The following RBFOX1 variants were observed in gnomAD, a reference collection of about 807,000 sequenced individuals.
The protein encoded by RBFOX1 is RNA binding fox-1 homolog 1.
A neutral mutation model predicts 57.7 loss-of-function variants in RBFOX1; 8 were observed. The ratio of observed to expected loss-of-function variants is 0.14; its 90% confidence interval spans 0.08 to 0.25. The LOEUF is 0.25. RBFOX1 is among the 10% of genes least tolerant of loss of function. The probability of loss-of-function intolerance (pLI) is 1.00; values close to 1 mark genes in which losing one functional copy is unlikely to be tolerated. For missense variants in RBFOX1, 611 were observed against 548.5 expected (o/e 1.11, Z -1.14); for synonymous variants, 326 against 222.4 (o/e 1.47, Z -4.15).
chr16:5,542,244 A>ATTTTT (rs5815254), intron 2 of RBFOX1, among the ~76,000 whole-genome samples: 1 of 122,566 alleles, frequency 8.2e-6, no homozygotes, highest in African/African-American at 3.1e-5. Flanking sequence ...ACAGGTATTG[A>ATTTTT]TTTTTTTTTT....
At chr16:5,394,387 C>T (rs1256977687) in intron 1 of RBFOX1, among the ~76,000 whole-genome samples, 1 of 152,100 alleles carries the variant, frequency 6.6e-6, no homozygotes, top group Non-Finnish European at 1.5e-5. Flanking sequence ...TATTCCCTGC[C>T]TTTTTTTGAT....
At chr16:5,468,510 A>C (rs1941231408) in intron 2 of RBFOX1, among the ~76,000 whole-genome samples, 1 of 152,196 alleles carries the variant, frequency 6.6e-6, no homozygotes, top group Admixed American at 6.5e-5. Context: ...TCCAAAAGTT[A>C]AACATAGAAT....
intron 2 of RBFOX1, among the ~76,000 whole-genome samples, chr16:6,394,807 C>T (rs1328747449): frequency 3.3e-5 from 5 of 152,112 alleles, no homozygotes; most frequent in African/African-American, 1.2e-4. Context: ...GCCTTAATGA[C>T]CCCTAAGTCC....
At chr16:5,781,037 C>G (rs1035443701) in intron 3 of RBFOX1, among the ~76,000 whole-genome samples, 6 of 152,218 alleles carry the variant, frequency 3.9e-5, no homozygotes, top group Non-Finnish European at 8.8e-5. Flanking sequence ...GGGTATTTCT[C>G]TCTCATTCTG....
chr16:5,491,032 T>G (rs1241613041), intron 2 of RBFOX1, among the ~76,000 whole-genome samples: 1 of 152,172 alleles, frequency 6.6e-6, no homozygotes, highest in East Asian at 1.9e-4. Context: ...ATCTCCCCGA[T>G]TTGATCTGCA....
intron 3 of RBFOX1, among the ~76,000 whole-genome samples, chr16:5,833,355 C>T (rs984730335): frequency 6.6e-6 from 1 of 151,904 alleles, no homozygotes; most frequent in Non-Finnish European, 1.5e-5. Context: ...ATTAGCCGGG[C>T]ATGGTGGCAG....
rs191622870 is a variant in RBFOX1, at chr16:6,135,654, C to T, written c.-127+115662C>T. ...TAAATCAGAATGTCTGAAAAAAAAC[C>T]ATGAACACTAATAGTTAATGGAACA... is the stretch of plus-strand genomic sequence containing the variant. On this transcript the variant is annotated intron_variant, in intron 1 of 15. Transcript: ENST00000550418. Among the ~76,000 whole-genome samples, 17 of 151,944 alleles carry T rather than the reference C, an allele frequency of 1.1e-4. No individual in the cohort carries two copies. In the East Asian group the frequency reaches 3.1e-3, roughly 28 times the overall value.
chr16:6,818,243 C>G (rs1435355121), intron 3 of RBFOX1, among the ~76,000 whole-genome samples: 1 of 151,978 alleles, frequency 6.6e-6, no homozygotes, highest in Non-Finnish European at 1.5e-5. Context: ...ATGATACAAG[C>G]AGAGGCTTTA....
intron 1 of RBFOX1, among the ~76,000 whole-genome samples, chr16:5,464,076 A>C (rs1190629867): frequency 6.6e-6 from 1 of 152,206 alleles, no homozygotes; most frequent in East Asian, 1.9e-4. Flanking sequence ...CCAGGGCTTC[A>C]GGCTCAATGG....
intron 1 of RBFOX1, among the ~76,000 whole-genome samples, chr16:6,262,807 G>C (rs572571193): frequency 7.9e-4 from 120 of 152,246 alleles, no homozygotes; most frequent in Non-Finnish European, 1.5e-3. Context: ...ATCCAAGGAA[G>C]CGCCCATTCT....
chr16:5,652,853 C>G (rs1020722456), intron 3 of RBFOX1, among the ~76,000 whole-genome samples: 18 of 152,236 alleles, frequency 1.2e-4, no homozygotes, highest in Non-Finnish European at 2.2e-4. Context: ...CACCAGCTAA[C>G]TGCCAGGACT....
intron 2 of RBFOX1, among the ~76,000 whole-genome samples, chr16:5,484,284 G>T (rs141355359): frequency 1.3e-5 from 2 of 152,330 alleles, no homozygotes; most frequent in South Asian, 4.1e-4. Flanking sequence ...GAGCCCTTCA[G>T]TTCTTTCTGG....
intron 12 of RBFOX1, among the ~76,000 whole-genome samples, chr16:7,657,566 A>T (rs890332192): frequency 6.6e-6 from 1 of 152,236 alleles, no homozygotes; most frequent in Non-Finnish European, 1.5e-5. Context: ...GGGCCTCCCA[A>T]AGTGCTGGGA....
chr16:5,771,018 C>G lies in RBFOX1; in HGVS notation c.319-96285C>G, dbSNP rs117770782. ...GTGGTCTGCAAACGAGCAGTGTTGG[C>G]ATCATGGAGTCTCCTGGAGGAGACG... is the stretch of plus-strand genomic sequence containing the variant. On this transcript the variant is annotated intron_variant, in intron 3 of 19. Coordinates refer to the RBFOX1 transcript ENST00000641259. Among the ~76,000 whole-genome samples, 37 of 152,320 alleles carry G rather than the reference C, an allele frequency of 2.4e-4. No individual in the cohort carries two copies. The East Asian group carries it at 6.8e-3, about 28-fold the overall frequency.
intron 4 of RBFOX1, among the ~76,000 whole-genome samples, chr16:7,239,064 C>T (rs753760700): frequency 2.6e-5 from 4 of 152,154 alleles, no homozygotes; most frequent in Non-Finnish European, 5.9e-5. Context: ...TAGGTTGATT[C>T]CACATCCTTG....
chr16:7,134,157 G>A (rs1301815535), intron 4 of RBFOX1, among the ~76,000 whole-genome samples: 1 of 152,044 alleles, frequency 6.6e-6, no homozygotes, highest in Admixed American at 6.6e-5. Context: ...TCAGCAGAGA[G>A]GGGTGTAATG....
intron 3 of RBFOX1, among the ~76,000 whole-genome samples, chr16:6,873,498 G>T (rs1001964120): frequency 2.0e-5 from 3 of 152,104 alleles, no homozygotes; most frequent in Non-Finnish European, 2.9e-5. Context: ...ACTTCCTCAA[G>T]GCTATGACAG....
At chr16:6,685,165 T>A (rs1603410258) in intron 3 of RBFOX1, among the ~76,000 whole-genome samples, 1 of 152,314 alleles carries the variant, frequency 6.6e-6, no homozygotes, top group East Asian at 1.9e-4. Context: ...TTCCTTTTCT[T>A]TATTCCTGCT....
At chr16:6,789,293 A>G (rs1050144452) in intron 3 of RBFOX1, among the ~76,000 whole-genome samples, 27 of 152,196 alleles carry the variant, frequency 1.8e-4, no homozygotes, top group African/African-American at 6.3e-4. Context: ...ACAGCAGTTG[A>G]TATTTATAGC....
Sources: gnomAD v4.1 joint callset for allele counts (sites outside exome capture counted in the v4.1 genomes callset) on GRCh38, gnomAD v4.1.1 for gene constraint, MANE v1.5 for transcripts, NCBI Gene and HGNC (gene_info 2026-07-23, HGNC 2026-07-21) for gene names.